Variants in GPC5 observed in about 807,000 individuals in gnomAD.
GPC5 encodes glypican-5.
In GPC5, 47 loss-of-function variants were observed where a neutral mutation model predicts 53.9. The observed-to-expected ratio is 0.87, with a 90% CI of 0.69 to 1.11. The LOEUF (loss-of-function observed/expected upper bound fraction) is 1.11, where lower values mean the gene tolerates loss of function less well. Among genes scored for constraint, GPC5 ranks in the 50% most tolerant of loss-of-function variants. The pLI is 0.00. For synonymous variants in GPC5, 286 were observed against 263.3 expected (o/e 1.09, Z -0.84); for missense variants, 748 against 713.1 (o/e 1.05, Z -0.56).
intron 7 of GPC5, among the ~76,000 whole-genome samples, chr13:92,561,471 A>T (rs1838375909): frequency 6.6e-6 from 1 of 151,938 alleles, no homozygotes; most frequent in Admixed American, 6.6e-5. Context: ...TCCCAATAGA[A>T]CCTTTCTCCT....
intron 7 of GPC5, among the ~76,000 whole-genome samples, chr13:92,559,737 C>T (rs1431605746): frequency 6.6e-6 from 1 of 151,566 alleles, no homozygotes; most frequent in African/African-American, 2.4e-5. Flanking sequence ...CTAAACTTTC[C>T]CCTTGCTTTT....
chr13:91,533,325 G>A (rs1886437472), intron 2 of GPC5, among the ~76,000 whole-genome samples: 1 of 152,118 alleles, frequency 6.6e-6, no homozygotes, highest in African/African-American at 2.4e-5. Flanking sequence ...TAATCATTGG[G>A]CTTGAGAAAA....
At chr13:91,403,804 C>T (rs1290198400) in intron 1 of GPC5, among the ~76,000 whole-genome samples, 2 of 152,124 alleles carry the variant, frequency 1.3e-5, no homozygotes, top group African/African-American at 4.8e-5. Context: ...TGATTTTCTA[C>T]TTTAGGGTCA....
intron 2 of GPC5, among the ~76,000 whole-genome samples, chr13:91,688,106 GGT>G (rs749387386): frequency 1.1e-4 from 17 of 151,812 alleles, no homozygotes; most frequent in Non-Finnish European, 2.5e-4. Flanking sequence ...TCAACTCCTT[GGT>G]AAACATGGTA....
rs2039822166 is a variant in GPC5 at position 91,931,595 on chromosome 13, A to C, written c.1401+23538A>C. ...AAGAAGATTCTAAGCTTGAATTCTC[A>C]GTGGCTCAACCAAACCAAAGTTTGT... is the stretch of plus-strand genomic sequence containing the variant. On this transcript the variant is annotated intron_variant, in intron 6 of 7. Coordinates refer to ENST00000377067, the MANE Select transcript of GPC5 (RefSeq NM_004466.6). Among the ~76,000 whole-genome samples, 3 of 152,038 alleles carry C rather than the reference A, an allele frequency of 2.0e-5. No homozygotes were observed. The South Asian group carries it at 6.2e-4, about 32-fold the overall frequency.
chr13:91,438,850 G>A (rs117646911), intron 1 of GPC5, among the ~76,000 whole-genome samples: 9 of 152,294 alleles, frequency 5.9e-5, no homozygotes, highest in Middle Eastern at 3.4e-3. Context: ...CTACTCAAGC[G>A]TCGGTAATGG....
chr13:92,029,090 AT>A lies in GPC5; in HGVS notation c.1402-115737del, dbSNP rs1403827754. On this transcript the variant is annotated intron_variant, in intron 6 of 7. Coordinates refer to ENST00000377067, the MANE Select transcript of GPC5 (RefSeq NM_004466.6). ...TCTCATATGACCTGGAAATCTATAT[AT>A]TTATCTAATTTCTTGAAGATATTTT... Among the ~76,000 whole-genome samples the A allele has an allele frequency of 1.7e-4, 26 of 152,270 alleles. No individual in the cohort carries two copies. The East Asian group carries it at 5.0e-3, about 29-fold the overall frequency.
intron 7 of GPC5, among the ~76,000 whole-genome samples, chr13:92,381,886 ATATT>A (rs1250039003): frequency 2.3e-5 from 2 of 88,702 alleles, no homozygotes; most frequent in Non-Finnish European, 4.6e-5. Flanking sequence ...ATGATTATAT[ATATT>A]ATATATAATC....
At chr13:92,148,761 T>C (rs1384462705) in intron 7 of GPC5, among the ~76,000 whole-genome samples, 2 of 152,026 alleles carry the variant, frequency 1.3e-5, no homozygotes, top group Non-Finnish European at 2.9e-5. Context: ...TAAACACAAC[T>C]GGAAAAAATA....
chr13:92,385,497 C>A (rs1424174329), intron 7 of GPC5, among the ~76,000 whole-genome samples: 1 of 135,508 alleles, frequency 7.4e-6, no homozygotes, highest in South Asian at 2.2e-4. Context: ...CACATATATA[C>A]ATACATATAC....
chr13:92,052,035 T>G (rs925271671), intron 6 of GPC5, among the ~76,000 whole-genome samples: 7 of 152,334 alleles, frequency 4.6e-5, no homozygotes, highest in African/African-American at 1.7e-4. Flanking sequence ...AGAGGGCTTG[T>G]GCCACATTCA....
intron 7 of GPC5, among the ~76,000 whole-genome samples, chr13:92,553,410 G>A (rs1882388754): frequency 6.6e-6 from 1 of 151,916 alleles, no homozygotes; most frequent in African/African-American, 2.4e-5. Flanking sequence ...TATTGCTATT[G>A]TAATGTCAGA....
At chr13:91,552,265 T>C (rs1429413041) in intron 2 of GPC5, among the ~76,000 whole-genome samples, 1 of 152,036 alleles carries the variant, frequency 6.6e-6, no homozygotes, top group African/African-American at 2.4e-5. Context: ...TTATCTTATT[T>C]GAAAAGCTTA....
chr13:91,646,466 T>G (rs143479274), intron 2 of GPC5, among the ~76,000 whole-genome samples: 88 of 151,996 alleles, frequency 5.8e-4, no homozygotes, highest in Middle Eastern at 3.4e-3. Context: ...TATATAGTTA[T>G]CTACATTTAG....
rs1262949123 is a variant in GPC5, at chr13:92,598,872, C to T, written c.1562-267410C>T. Among the ~76,000 whole-genome samples the T allele has an allele frequency of 2.6e-5, 4 of 152,262 alleles. No homozygotes were observed. The East Asian group carries it at 7.7e-4, about 29-fold the overall frequency. On this transcript the variant is annotated intron_variant, in intron 7 of 7. Transcript: ENST00000377067. The stretch of plus-strand genomic sequence containing the variant: ...TCTCTACTAAGAATACAAAAATTAG[C>T]TGGGTGTGGTGGTGGGCACCTGTAA...
At chr13:91,505,930 G>C (rs753598107) in intron 2 of GPC5, among the ~76,000 whole-genome samples, 1 of 152,194 alleles carries the variant, frequency 6.6e-6, no homozygotes, top group African/African-American at 2.4e-5. Context: ...CAGTTTAAAA[G>C]TGCAATATAT....
rs1555333961 is a variant in GPC5 at position 91,650,750 on chromosome 13, G to GTTTTGTTTTTTTTT, written c.326-42433_326-42432insGTTTTTTTTTTTTT. On this transcript the variant is annotated intron_variant, in intron 2 of 7. Transcript: ENST00000377067. ...CATCTGTGAAACAAAATTCCCATAA[G>GTTTTGTTTTTTTTT]TTTTTTTTTTTTTTTTTTTTTTAGC... is the stretch of plus-strand genomic sequence containing the variant. Among the ~76,000 whole-genome samples the GTTTTGTTTTTTTTT allele has an allele frequency of 1.8e-3, 179 of 99,592 alleles. 4 individuals carry two copies. Among genetic ancestry groups the GTTTTGTTTTTTTTT allele is most frequent in the African/African-American group, 6.9e-3 (169 of 24,660 alleles). The allele number at this position is 99,592 out of a possible 152,430, so 65.3% of individuals were successfully genotyped here.
chr13:91,447,316 G>T (rs1880874121), intron 1 of GPC5, among the ~76,000 whole-genome samples: 1 of 150,736 alleles, frequency 6.6e-6, no homozygotes. Context: ...TAGGAATAAA[G>T]CTGAGAAGAT....
intron 6 of GPC5, among the ~76,000 whole-genome samples, chr13:91,938,757 A>T (rs1402913478): frequency 6.6e-6 from 1 of 152,130 alleles, no homozygotes; most frequent in Non-Finnish European, 1.5e-5. Flanking sequence ...ACTGTTTGCT[A>T]TTAAAAAATT....
Sources: gnomAD v4.1 joint callset for allele counts (sites outside exome capture counted in the v4.1 genomes callset) on GRCh38, gnomAD v4.1.1 for gene constraint, MANE v1.5 for transcripts, NCBI Gene and HGNC (gene_info 2026-07-23, HGNC 2026-07-21) for gene names.